Variants in ARMC2 observed in about 807,000 individuals in gnomAD.
The protein encoded by ARMC2 is armadillo repeat-containing protein 2.
Under a neutral mutation model 90.3 loss-of-function variants are expected in ARMC2, and 67 were observed. The observed-to-expected ratio is 0.74, with a 90% confidence interval of 0.61 to 0.91. The LOEUF is 0.91. ARMC2 is among the 40% of genes least tolerant of loss of function. ARMC2 has a pLI of 0.00. For synonymous variants in ARMC2, 393 were observed against 393.0 expected, an observed-to-expected ratio of 1.00 and a Z score of 0.00; for missense variants, 920 against 1,030.9, an observed-to-expected ratio of 0.89 and a Z score of 1.47.
intron 5 of ARMC2, among the ~76,000 whole-genome samples, chr6:108,879,340 C>T (rs1411028876): frequency 6.6e-6 from 1 of 151,740 alleles, no homozygotes; most frequent in African/African-American, 2.4e-5. Flanking sequence ...ACCCATCTGT[C>T]TACCCATGCA....
intron 8 of ARMC2, among the ~76,000 whole-genome samples, chr6:108,909,826 G>A (rs1257322212): frequency 2.6e-5 from 4 of 152,216 alleles, no homozygotes; most frequent in Non-Finnish European, 5.9e-5. Context: ...GGGCTACTGC[G>A]CCCAGCCTAG....
intron 12 of ARMC2, among the ~76,000 whole-genome samples, chr6:108,949,954 C>G (rs147719668): frequency 1.3e-5 from 2 of 152,174 alleles, no homozygotes; most frequent in Non-Finnish European, 2.9e-5. Context: ...GCCTGTAATT[C>G]CAGCACTTTG....
chr6:108,854,400 C>G lies in ARMC2; in HGVS notation c.133C>G (p.Pro45Ala). 1 of 1,613,290 alleles carries G rather than the reference C, an allele frequency of 6.2e-7. No individual in the cohort carries two copies. The highest frequency in any genetic ancestry group is 1.1e-5 in the South Asian group (1 of 91,056). ...NALRTVRTQR[P>A]FTPQEAQRKL... is the part of the protein sequence containing the mutation. ...ATTAAGAACAGTTAGAACCCAAAGA[C>G]CATTTACACCACAGGAGGCTCAAAG... Residue 45 changes from proline (P) to alanine (A), a missense_variant, in exon 2 of 18, where the codon CCA (proline) becomes GCA (alanine). Physicochemically the swap from Pro to Ala is conservative, Grantham distance 27. Coordinates refer to ENST00000392644, the MANE Select transcript of ARMC2 (RefSeq NM_032131.6).
intron 3 of ARMC2, among the ~76,000 whole-genome samples, chr6:108,864,469 G>T (rs1479374948): frequency 6.6e-5 from 10 of 152,048 alleles, no homozygotes; most frequent in Non-Finnish European, 1.2e-4. Context: ...GAATGGTCTC[G>T]ATCTCTTGAC....
At chr6:108,965,899 C>T (rs971569674) in intron 17 of ARMC2, among the ~76,000 whole-genome samples, 23 of 151,498 alleles carry the variant, frequency 1.5e-4, no homozygotes, top group African/African-American at 5.6e-4. Context: ...GCGATCCTCC[C>T]ACCTCAGCCT....
At chr6:109,035,539 C>A in the ARMC2 span, among the ~76,000 whole-genome samples, 1 of 150,134 alleles carries the variant, frequency 6.7e-6, no homozygotes, top group Non-Finnish European at 1.5e-5. Flanking sequence ...TGTGACTACC[C>A]GGCAGAGGGA....
At chr6:108,894,008 A>C (rs1342458693) in intron 5 of ARMC2, among the ~76,000 whole-genome samples, 3 of 152,094 alleles carry the variant, frequency 2.0e-5, no homozygotes, top group Non-Finnish European at 4.4e-5. Flanking sequence ...AAAAACAAAA[A>C]CAAAAAAAAC....
the ARMC2 span, among the ~76,000 whole-genome samples, chr6:109,022,545 C>G: frequency 1.3e-5 from 2 of 149,638 alleles, no homozygotes; most frequent in South Asian, 4.3e-4. Flanking sequence ...GCCTCAGCCT[C>G]CTACAGGTGC....
intron 11 of ARMC2, among the ~76,000 whole-genome samples, chr6:108,928,459 G>A (rs934274161): frequency 1.3e-5 from 2 of 152,128 alleles, no homozygotes; most frequent in African/African-American, 4.8e-5. Context: ...TGGTTGTTAA[G>A]TCATTTTAGT....
the ARMC2 span, among the ~76,000 whole-genome samples, chr6:109,050,290 C>A: frequency 6.6e-6 from 1 of 151,444 alleles, no homozygotes; most frequent in South Asian, 2.1e-4. Flanking sequence ...CTGTCTGCAA[C>A]AGCGCCATTA....
At chr6:108,981,691 T>C in the ARMC2 span, among the ~76,000 whole-genome samples, 15,137 of 151,674 alleles carry the variant, frequency 0.1, 891 homozygotes, top group Middle Eastern at 0.19. Context: ...GACAGAGTCT[T>C]AGAACAGTCT....
intron 8 of ARMC2, among the ~76,000 whole-genome samples, chr6:108,909,803 G>A (rs1467161655): frequency 1.3e-5 from 2 of 152,050 alleles, no homozygotes; most frequent in African/African-American, 4.8e-5. Context: ...CAAAGTGCTG[G>A]GATTATAGAC....
chr6:108,999,905 G>A, the ARMC2 span: 7 of 152,080 alleles, frequency 4.6e-5, no homozygotes, highest in Non-Finnish European at 1.0e-4. Context: ...ATAGGTGAAT[G>A]GATAAACAAA....
the ARMC2 span, among the ~76,000 whole-genome samples, chr6:109,022,636 G>A: frequency 6.6e-6 from 1 of 151,566 alleles, no homozygotes; most frequent in East Asian, 1.9e-4. Flanking sequence ...GGATGGTCTC[G>A]ATCTCCTGAC....
chr6:108,864,995 GA>G (rs1397128344), intron 3 of ARMC2, among the ~76,000 whole-genome samples: 2 of 127,216 alleles, frequency 1.6e-5, no homozygotes, highest in African/African-American at 5.7e-5. Flanking sequence ...ATTCTCAAGT[GA>G]ATTTTTTTTT....
chr6:108,926,048 T>C (rs1775076782), intron 10 of ARMC2, among the ~76,000 whole-genome samples: 1 of 152,078 alleles, frequency 6.6e-6, no homozygotes, highest in Non-Finnish European at 1.5e-5. Context: ...AAATAAAAGC[T>C]CCTAAGGAAA....
the ARMC2 span, among the ~76,000 whole-genome samples, chr6:108,993,272 AGATT>A: frequency 5.2e-3 from 787 of 152,334 alleles, 5 homozygotes; most frequent in African/African-American, 0.018. Context: ...TTTAGCACTT[AGATT>A]ATTTTTGTTG....
At chr6:108,949,546 C>G (rs1357079003) in intron 12 of ARMC2, among the ~76,000 whole-genome samples, 1 of 152,144 alleles carries the variant, frequency 6.6e-6, no homozygotes, top group East Asian at 1.9e-4. Flanking sequence ...TGTTTATAGT[C>G]CTCAGCTTAG....
chr6:109,002,607 C>T, the ARMC2 span, among the ~76,000 whole-genome samples: 1 of 152,234 alleles, frequency 6.6e-6, no homozygotes, highest in Middle Eastern at 3.4e-3. Context: ...AAGTCTAGAA[C>T]AGAAAGTTCA....
Sources: gnomAD v4.1 joint callset for allele counts (sites outside exome capture counted in the v4.1 genomes callset) on GRCh38, gnomAD v4.1.1 for gene constraint, MANE v1.5 for transcripts, NCBI Gene and HGNC (gene_info 2026-07-23, HGNC 2026-07-21) for gene names.